The following RELN variants were observed in gnomAD, a reference collection of about 807,000 sequenced individuals.
RELN encodes the protein reelin.
A neutral mutation model predicts 427.6 loss-of-function variants in RELN; 108 were observed. The ratio of observed to expected loss-of-function variants is 0.25; its 90% confidence interval spans 0.22 to 0.30. RELN has a LOEUF of 0.30. RELN is among the 10% of genes least tolerant of loss of function. The pLI, the probability that RELN is intolerant of heterozygous loss-of-function variation, is 1.00. For synonymous variants in RELN, 1,524 were observed against 1,513.4 expected (o/e 1.01, Z -0.16); for missense variants, 3,715 against 4,302.8 (o/e 0.86, Z 3.82).
chr7:103,916,594 A>C (rs1002494420), intron 2 of RELN, among the ~76,000 whole-genome samples: 2 of 152,216 alleles, frequency 1.3e-5, no homozygotes, highest in Non-Finnish European at 2.9e-5. Flanking sequence ...TTTAAGTATT[A>C]AATAGGATTC....
chr7:103,970,093 T>C (rs943370394), intron 1 of RELN, among the ~76,000 whole-genome samples: 1 of 152,046 alleles, frequency 6.6e-6, no homozygotes, highest in African/African-American at 2.4e-5. Context: ...AAGGCTGCCT[T>C]CTTCTTTCAG....
chr7:103,782,216 T>C (rs1389199506), intron 3 of RELN, among the ~76,000 whole-genome samples: 1 of 152,178 alleles, frequency 6.6e-6, no homozygotes, highest in East Asian at 1.9e-4. Context: ...TTTATTGTCA[T>C]GATTTAAAAA....
chr7:103,605,972 T>C (rs1334081883), intron 22 of RELN, among the ~76,000 whole-genome samples: 1 of 152,174 alleles, frequency 6.6e-6, no homozygotes, highest in East Asian at 1.9e-4. Flanking sequence ...ACCTCCTCTA[T>C]GGTAATCAGT....
At chr7:103,483,068 T>A in intron 62 of RELN, 97 bp from the exon 63 acceptor site, 1 of 923,404 alleles carries the variant, frequency 1.1e-6, no homozygotes, top group Non-Finnish European at 1.8e-6. Flanking sequence ...TAGGCTAATC[T>A]AAATCAACAA....
chr7:103,684,555 CA>C (rs1312936419), intron 10 of RELN, among the ~76,000 whole-genome samples: 1 of 152,082 alleles, frequency 6.6e-6, no homozygotes, highest in Non-Finnish European at 1.5e-5. Flanking sequence ...AAACCAAAAA[CA>C]ATCAAGATGA....
chr7:103,639,584 G>C (rs903845553), intron 17 of RELN, among the ~76,000 whole-genome samples: 9 of 151,764 alleles, frequency 5.9e-5, no homozygotes, highest in African/African-American at 2.2e-4. Context: ...ATTTTTAGTA[G>C]AGATCGGGTC....
intron 28 of RELN, among the ~76,000 whole-genome samples, chr7:103,582,459 A>G (rs1405511556): frequency 1.3e-5 from 2 of 152,256 alleles, no homozygotes; most frequent in African/African-American, 4.8e-5. Flanking sequence ...GAACACTAGC[A>G]TATAAGGACA....
At chr7:103,490,602 C>T in intron 59 of RELN, 66 bp downstream of exon 59, 1 of 1,535,912 alleles carries the variant, frequency 6.5e-7, no homozygotes, top group Non-Finnish European at 9.0e-7. Context: ...TTGTTTTCAG[C>T]TCACTGCATG....
At chr7:103,504,326 T>C (rs772746992) in intron 51 of RELN, 7 of 152,170 alleles carry the variant, frequency 4.6e-5, no homozygotes, top group African/African-American at 7.2e-5. Flanking sequence ...TTGAAACAAA[T>C]TGCTTAAGTC....
intron 3 of RELN, among the ~76,000 whole-genome samples, chr7:103,800,627 C>G (rs1258156881): frequency 6.6e-6 from 1 of 152,104 alleles, no homozygotes. Context: ...CATAAAAACC[C>G]TAGAAGAAAA....
Position 103,556,993 on chromosome 7 carries a change from C to G in RELN, c.5781G>C (p.Trp1927Cys). The change falls in exon 38 of 65, where the codon TGG becomes TGC. Residue 1927 changes from tryptophan to cysteine, a missense_variant. By Grantham distance (215) the Trp-to-Cys change is radical. Coordinates refer to ENST00000428762, the MANE Select transcript of RELN (RefSeq NM_005045.4). ...CATTTTTACCGTTATTATAAGGTTG[C>G]CAGAGTCTGAATCTTGTAGCATTGG... The part of the protein sequence containing the change: ...AQTNATRFRL[W>C]QPYNNGKKEE... The G allele has an allele frequency of 6.2e-7, 1 of 1,612,732 alleles. No homozygotes were observed. The highest frequency in any genetic ancestry group is 8.5e-7 in the Non-Finnish European group (1 of 1,178,692).
chr7:103,910,024 T>C (rs1795328526), intron 2 of RELN, among the ~76,000 whole-genome samples: 1 of 134,186 alleles, frequency 7.5e-6, no homozygotes, highest in African/African-American at 2.9e-5. Flanking sequence ...TTTCACGATA[T>C]TGATTCTTCC....
At chr7:103,795,056 A>T (rs1055550291) in intron 3 of RELN, among the ~76,000 whole-genome samples, 1 of 152,218 alleles carries the variant, frequency 6.6e-6, no homozygotes, top group African/African-American at 2.4e-5. Context: ...CCCTAATGCC[A>T]ACTAGTATTT....
At chr7:103,955,753 T>C (rs1298816344) in intron 1 of RELN, among the ~76,000 whole-genome samples, 1 of 152,188 alleles carries the variant, frequency 6.6e-6, no homozygotes, top group Non-Finnish European at 1.5e-5. Flanking sequence ...AAACTCCATG[T>C]GAAACAGCAA....
At chr7:103,820,296 A>G (rs902435114) in intron 3 of RELN, among the ~76,000 whole-genome samples, 16 of 152,186 alleles carry the variant, frequency 1.1e-4, no homozygotes, top group Middle Eastern at 3.4e-3. Flanking sequence ...AAAAGACTTG[A>G]TGTTTTCACC....
chr7:103,744,786 CA>C (rs910384776), intron 6 of RELN, among the ~76,000 whole-genome samples: 111 of 142,920 alleles, frequency 7.8e-4, no homozygotes, highest in African/African-American at 3.1e-3. Context: ...GCTTACCAAC[CA>C]AAAAAAGTCC....
chr7:103,737,656 T>G (rs547250035), intron 6 of RELN, among the ~76,000 whole-genome samples: 1 of 152,248 alleles, frequency 6.6e-6, no homozygotes, highest in African/African-American at 2.4e-5. Context: ...GGAATTTTAG[T>G]AAGCCAAATC....
intron 2 of RELN, among the ~76,000 whole-genome samples, chr7:103,875,350 T>C (rs1421236221): frequency 6.6e-6 from 1 of 151,380 alleles, no homozygotes; most frequent in African/African-American, 2.4e-5. Context: ...AAGCCAAAAT[T>C]GACAAATGGG....
At position 103,519,371 on chromosome 7, in the gene RELN, G is replaced by T. The variant is rs1223495411; in HGVS notation, c.7814C>A (p.Thr2605Asn). Residue 2605 changes from threonine to asparagine, a missense_variant, in exon 49 of 65, where the codon ACC (threonine) becomes AAC (asparagine). This residue lies in a region of RELN where 1,310 missense variants were observed against 1,643.0 expected (regional missense o/e 0.80). Coordinates refer to ENST00000428762, the MANE Select transcript of RELN (RefSeq NM_005045.4). ...LLEYSVNGGI[T>N]WNLLMEIFYD... The stretch of plus-strand genomic sequence containing the variant: ...GAAAATCTCCATGAGCAGGTTCCAG[G>T]TAATGCCTCCATTGACAGAATATTC... 1 of 1,614,058 alleles carries T rather than the reference G, an allele frequency of 6.2e-7. No individual in the cohort carries two copies. The highest frequency in any genetic ancestry group is 1.1e-5 in the South Asian group (1 of 91,082).
Sources: allele counts gnomAD v4.1 joint callset (sites outside exome capture counted in the v4.1 genomes callset), GRCh38; gene constraint gnomAD v4.1.1; regional missense constraint gnomAD v4.1.1; transcripts MANE v1.5; gene names NCBI Gene and HGNC (gene_info 2026-07-23, HGNC 2026-07-21).